The following OSBPL8 variants were observed in gnomAD, a reference collection of about 807,000 sequenced individuals.
The protein encoded by OSBPL8 is oxysterol binding protein like 8, also known as oxysterol-binding protein-related protein 8.
Under a neutral mutation model 125.5 loss-of-function variants are expected in OSBPL8, and 59 were observed. That is an observed-to-expected ratio of 0.47 (90% confidence interval 0.38 to 0.58). OSBPL8 has a LOEUF of 0.58. Ranked by LOEUF, OSBPL8 falls within the 20% of genes least tolerant of loss-of-function variation. The probability of loss-of-function intolerance (pLI) is 0.00; values close to 1 mark genes in which losing one functional copy is unlikely to be tolerated. For synonymous variants in OSBPL8, 330 were observed against 338.9 expected (o/e 0.97, Z 0.29); for missense variants, 758 against 1,047.8 (o/e 0.72, Z 3.82).
intron 4 of OSBPL8, among the ~76,000 whole-genome samples, chr12:76,414,200 G>A (rs190970648): frequency 4.6e-5 from 7 of 152,150 alleles, no homozygotes; most frequent in Admixed American, 2.0e-4. Flanking sequence ...GTTCACAAAT[G>A]TGTAGGTCTG....
intron 2 of OSBPL8, among the ~76,000 whole-genome samples, chr12:76,476,415 T>C (rs1876813959): frequency 6.6e-6 from 1 of 152,050 alleles, no homozygotes; most frequent in South Asian, 2.1e-4. Flanking sequence ...TTTAAAAAGA[T>C]AAATGAGGAT....
chr12:76,516,817 C>CTTTTT (rs71668730), intron 1 of OSBPL8, among the ~76,000 whole-genome samples: 23 of 130,814 alleles, frequency 1.8e-4, no homozygotes, highest in East Asian at 4.2e-4. Context: ...CTTTTCTTTT[C>CTTTTT]TTTTTTTTTT....
chr12:76,461,727 G>A (rs924488974), intron 2 of OSBPL8, among the ~76,000 whole-genome samples: 4 of 152,066 alleles, frequency 2.6e-5, no homozygotes, highest in African/African-American at 7.2e-5. Flanking sequence ...ATGAGCCACC[G>A]TGCCCGGCAT....
intron 2 of OSBPL8, among the ~76,000 whole-genome samples, chr12:76,477,659 C>T (rs986231009): frequency 1.3e-5 from 2 of 151,850 alleles, no homozygotes; most frequent in Admixed American, 1.3e-4. Context: ...AAGGACATTA[C>T]GTAAAAACTA....
At chr12:76,383,325 A>G (rs1225822798) in intron 15 of OSBPL8, among the ~76,000 whole-genome samples, 6 of 151,970 alleles carry the variant, frequency 3.9e-5, no homozygotes. Flanking sequence ...GAAATATATC[A>G]AATATGAAAT....
chr12:76,375,272 C>T lies in OSBPL8; in HGVS notation c.1827+1G>A. The T allele has an allele frequency of 6.3e-7, 1 of 1,590,348 alleles. No homozygotes were observed. Among genetic ancestry groups the T allele is most frequent in the Admixed American group, 1.7e-5 (1 of 59,844 alleles). ...TGATACCTACTGTATTGTCTACTAA[C>T]CTTTAGTTTAAATTCAAGTATTGCA... On this transcript the variant is annotated splice_donor_variant, in intron 17 of 23. Coordinates refer to ENST00000261183, the MANE Select transcript of OSBPL8 (RefSeq NM_020841.5). LOFTEE classifies it high-confidence loss of function.
chr12:76,409,414 T>G (rs1415399011), intron 5 of OSBPL8, among the ~76,000 whole-genome samples: 1 of 152,200 alleles, frequency 6.6e-6, no homozygotes, highest in East Asian at 1.9e-4. Flanking sequence ...GACTGTCTGC[T>G]CTTCATCAAA....
chr12:76,544,091 C>T (rs1022630564), intron 1 of OSBPL8, among the ~76,000 whole-genome samples: 12 of 152,136 alleles, frequency 7.9e-5, no homozygotes, highest in African/African-American at 2.9e-4. Context: ...AATTAACATA[C>T]AAATAAAGGT....
At chr12:76,423,395 GT>G (rs1869752415) in intron 4 of OSBPL8, 1 of 152,166 alleles carries the variant, frequency 6.6e-6, no homozygotes, top group Admixed American at 6.6e-5. Context: ...GCTCTAACAT[GT>G]TCCTTGAAGA....
chr12:76,550,248 T>C (rs17042353), intron 1 of OSBPL8, among the ~76,000 whole-genome samples: 26,783 of 152,084 alleles, frequency 0.18, 2,515 homozygotes, highest in Middle Eastern at 0.24. Context: ...TTTTTTTAAT[T>C]TGATGGTCAG....
At chr12:76,531,150 C>T (rs1592863136) in intron 1 of OSBPL8, among the ~76,000 whole-genome samples, 2 of 152,270 alleles carry the variant, frequency 1.3e-5, no homozygotes, top group Admixed American at 1.3e-4. Flanking sequence ...GGACCTTCTT[C>T]ACATGGTGGC....
At chr12:76,373,229 CTTATG>C in intron 18 of OSBPL8, 110 bp downstream of exon 18, 1 of 599,578 alleles carries the variant, frequency 1.7e-6, no homozygotes, top group East Asian at 3.0e-5. Flanking sequence ...TAAGATGAAG[CTTATG>C]TTAAATAGTG....
At chr12:76,379,469 A>AC (rs1362278979) in intron 15 of OSBPL8, among the ~76,000 whole-genome samples, 2 of 152,146 alleles carry the variant, frequency 1.3e-5, no homozygotes, top group Non-Finnish European at 2.9e-5. Flanking sequence ...AACCACCACC[A>AC]CAATCAAGAT....
chr12:76,508,004 C>G (rs2137161488), intron 1 of OSBPL8, among the ~76,000 whole-genome samples: 1 of 148,804 alleles, frequency 6.7e-6, no homozygotes, highest in African/African-American at 2.6e-5. Flanking sequence ...AACCCTGTCT[C>G]TACTAAAAAT....
chr12:76,490,465 G>A (rs1476059688), intron 1 of OSBPL8, among the ~76,000 whole-genome samples: 3 of 152,196 alleles, frequency 2.0e-5, no homozygotes, highest in African/African-American at 7.2e-5. Context: ...ACGTTGGAGA[G>A]AAGCAGCTTG....
chr12:76,452,819 G>T (rs1873575868), intron 3 of OSBPL8, among the ~76,000 whole-genome samples: 1 of 152,082 alleles, frequency 6.6e-6, no homozygotes, highest in Admixed American at 6.6e-5. Flanking sequence ...GCCATCTTTT[G>T]CCCAGTCACA....
In OSBPL8 at chr12:76,390,548, T is replaced by C. The variant is rs1953514278; in HGVS notation, c.1039A>G (p.Met347Val). 6 of 1,613,682 alleles carry C rather than the reference T, an allele frequency of 3.7e-6. No individual in the cohort carries two copies. The highest frequency in any genetic ancestry group is 5.1e-6 in the Non-Finnish European group (6 of 1,179,802). The change falls in exon 11 of 24, where the codon ATG (methionine) becomes GTG (valine). Residue 347 changes from methionine to valine, a missense_variant. Met to Val is a conservative substitution (Grantham distance 21). This residue lies in a region of OSBPL8 where 572 missense variants were observed against 762.0 expected (regional missense o/e 0.75). Transcript: ENST00000261183. ...GTGTCACTTTCTTCACTTTTCCCCA[T>C]CACCTCATTATCAGACTCATCATGT... The part of the protein sequence containing the change: ...QEHDESDNEV[M>V]GKSEESDTDT...
intron 21 of OSBPL8, among the ~76,000 whole-genome samples, chr12:76,368,285 A>G (rs1952493635): frequency 6.6e-6 from 1 of 152,108 alleles, no homozygotes; most frequent in Non-Finnish European, 1.5e-5. Flanking sequence ...TGTTAATCCT[A>G]TGGATGATCC....
rs1157535450 is a variant in OSBPL8 at position 76,352,455 on chromosome 12, G to C, written c.*3434C>G. The C allele has an allele frequency of 1.3e-5, 2 of 152,372 alleles. No homozygotes were observed. The highest frequency in any genetic ancestry group is 4.8e-5 in the African/African-American group (2 of 41,396). 9.4% of individuals were successfully genotyped at this position (152,372 alleles called of 1,614,324 possible). The stretch of plus-strand genomic sequence containing the variant: ...TAAATATACTAAACTCACACAACAG[G>C]TAGAATAAAATGAAACCAAATTACA... On this transcript the variant is annotated 3_prime_UTR_variant, in exon 24 of 24. Coordinates refer to ENST00000261183, the MANE Select transcript of OSBPL8 (RefSeq NM_020841.5).
Sources: gnomAD v4.1 joint callset for allele counts (sites outside exome capture counted in the v4.1 genomes callset) on GRCh38, gnomAD v4.1.1 for gene constraint, gnomAD v4.1.1 regional missense constraint, MANE v1.5 for transcripts, NCBI Gene and HGNC (gene_info 2026-07-23, HGNC 2026-07-21) for gene names.